NDUFAF2: variants seen among roughly 807,000 people sequenced by gnomAD.
The protein encoded by NDUFAF2 is NADH dehydrogenase [ubiquinone] 1 alpha subcomplex assembly factor 2.
Under a neutral mutation model 22.8 loss-of-function variants are expected in NDUFAF2, and 13 were observed. The ratio of observed to expected loss-of-function variants is 0.57; its 90% confidence interval spans 0.37 to 0.91. The LOEUF is 0.91. Among genes scored for constraint, NDUFAF2 ranks in the 40% least tolerant of loss-of-function variants. NDUFAF2 has a pLI of 0.01. For synonymous variants in NDUFAF2, 53 were observed against 64.2 expected (o/e 0.83, Z 0.84); for missense variants, 162 against 195.2 (o/e 0.83, Z 1.01).
At chr5:60,980,048 G>A (rs563137260) in intron 1 of NDUFAF2, among the ~76,000 whole-genome samples, 5 of 152,224 alleles carry the variant, frequency 3.3e-5, no homozygotes, top group African/African-American at 4.8e-5. Flanking sequence ...GACCACCAAC[G>A]TGTACCTCAA....
At chr5:61,021,578 C>T (rs951263032) in intron 1 of NDUFAF2, among the ~76,000 whole-genome samples, 15 of 152,146 alleles carry the variant, frequency 9.9e-5, no homozygotes, top group Non-Finnish European at 7.4e-5. Context: ...ATCTTTAGGA[C>T]GCCCTTATTC....
At chr5:61,143,959 T>TG (rs35378047) in intron 3 of NDUFAF2, among the ~76,000 whole-genome samples, 9,423 of 48,196 alleles carry the variant, frequency 0.2, 450 homozygotes, top group East Asian at 0.47. Flanking sequence ...ATGGCATATT[T>TG]TTGTGTGTGT....
intron 1 of NDUFAF2, among the ~76,000 whole-genome samples, chr5:60,962,441 A>C (rs763742150): frequency 6.6e-6 from 1 of 152,200 alleles, no homozygotes; most frequent in Non-Finnish European, 1.5e-5. Context: ...TTAGAAAGTA[A>C]TAATTTTCTC....
At chr5:61,137,562 T>A (rs536879555) in intron 3 of NDUFAF2, among the ~76,000 whole-genome samples, 1 of 152,296 alleles carries the variant, frequency 6.6e-6, no homozygotes, top group South Asian at 2.1e-4. Context: ...AGTATGAGAT[T>A]TAGCTAGCCA....
At chr5:60,974,817 A>G (rs913473205) in intron 1 of NDUFAF2, among the ~76,000 whole-genome samples, 5 of 151,782 alleles carry the variant, frequency 3.3e-5, no homozygotes, top group African/African-American at 7.3e-5. Context: ...TTATTTGTTT[A>G]TTTATTTATT....
chr5:61,008,364 T>C (rs1396164405), intron 1 of NDUFAF2, among the ~76,000 whole-genome samples: 1 of 152,102 alleles, frequency 6.6e-6, no homozygotes, highest in Admixed American at 6.6e-5. Flanking sequence ...CTACAAAGAA[T>C]AGTCTTTGTA....
At chr5:60,965,454 A>C (rs1750747652) in intron 1 of NDUFAF2, among the ~76,000 whole-genome samples, 1 of 152,216 alleles carries the variant, frequency 6.6e-6, no homozygotes, top group South Asian at 2.1e-4. Context: ...CATGCTGTAC[A>C]ATAGATCTCT....
At chr5:61,063,046 A>T (rs1444368907) in intron 1 of NDUFAF2, among the ~76,000 whole-genome samples, 1 of 152,192 alleles carries the variant, frequency 6.6e-6, no homozygotes, top group South Asian at 2.1e-4. Context: ...CATACAAGAC[A>T]TACTTAAGGG....
chr5:61,151,142 C>T (rs539055081), intron 3 of NDUFAF2, among the ~76,000 whole-genome samples: 2 of 152,268 alleles, frequency 1.3e-5, no homozygotes, highest in South Asian at 4.1e-4. Context: ...AAACTTTTCC[C>T]CCTTTAAGTA....
At chr5:60,950,966 A>G (rs2112562550) in intron 1 of NDUFAF2, among the ~76,000 whole-genome samples, 1 of 151,994 alleles carries the variant, frequency 6.6e-6, no homozygotes, top group Non-Finnish European at 1.5e-5. Flanking sequence ...GGCTTCTTTC[A>G]CTTAGTAATA....
rs1244534996 is a variant in NDUFAF2, at chr5:61,070,627, A to ACACT, written c.128-2497_128-2496insACTC. Among the ~76,000 whole-genome samples the ACACT allele has an allele frequency of 2.0e-4, 31 of 151,496 alleles. No individual in the cohort carries two copies. The East Asian group carries it at 2.1e-3, about 10-fold the overall frequency. On this transcript the variant is annotated intron_variant, in intron 1 of 3. Coordinates refer to ENST00000296597, the MANE Select transcript of NDUFAF2 (RefSeq NM_174889.5). ...CACACACACACACACACACACACAC[A>ACACT]CGCACTCACATACACACAAATAGGC...
intron 1 of NDUFAF2, among the ~76,000 whole-genome samples, chr5:61,017,682 T>C (rs1296987248): frequency 1.3e-5 from 2 of 152,096 alleles, no homozygotes; most frequent in Non-Finnish European, 2.9e-5. Context: ...GAGTAGAGGA[T>C]TGCTTGAGCG....
rs532393902 is a variant in NDUFAF2, at chr5:61,121,584, G to A, written c.258+22552G>A. Among the ~76,000 whole-genome samples the A allele has an allele frequency of 1.4e-3, 220 of 152,218 alleles. 2 individuals are homozygous for A. The highest frequency in any genetic ancestry group is 5.1e-3 in the African/African-American group (213 of 41,514). On this transcript the variant is annotated intron_variant, in intron 3 of 3. Coordinates refer to ENST00000296597, the MANE Select transcript of NDUFAF2 (RefSeq NM_174889.5). ...TTCTTACTGTATAGGTTAATTTTGT[G>A]TCAACTTGGCTAGACTGTGGTACCC...
chr5:61,063,345 A>G (rs1420687441), intron 1 of NDUFAF2, among the ~76,000 whole-genome samples: 3 of 43,404 alleles, frequency 6.9e-5, no homozygotes, highest in African/African-American at 2.6e-4. Context: ...AAAAAAGTTA[A>G]AAAAAAAAAA....
chr5:61,131,816 G>C (rs562711802), intron 3 of NDUFAF2, among the ~76,000 whole-genome samples: 2 of 152,188 alleles, frequency 1.3e-5, no homozygotes, highest in Non-Finnish European at 2.9e-5. Flanking sequence ...TATGCAGGGG[G>C]AAGTCTATAA....
chr5:61,082,070 T>C (rs545903155), intron 2 of NDUFAF2, among the ~76,000 whole-genome samples: 2 of 152,206 alleles, frequency 1.3e-5, no homozygotes, highest in Admixed American at 1.3e-4. Context: ...AAAGATAAAC[T>C]AGAGAAGATA....
chr5:61,053,267 C>T (rs990202849), intron 1 of NDUFAF2, among the ~76,000 whole-genome samples: 4 of 152,166 alleles, frequency 2.6e-5, no homozygotes, highest in African/African-American at 7.2e-5. Context: ...ATTTAAACTA[C>T]GTAGTTTTTT....
At chr5:61,121,687 C>T (rs984994882) in intron 3 of NDUFAF2, among the ~76,000 whole-genome samples, 1 of 152,042 alleles carries the variant, frequency 6.6e-6, no homozygotes, top group African/African-American at 2.4e-5. Flanking sequence ...AATCAGTATA[C>T]TTTGAGTGAA....
intron 3 of NDUFAF2, among the ~76,000 whole-genome samples, chr5:61,139,137 A>C (rs1741011535): frequency 6.6e-6 from 1 of 152,204 alleles, no homozygotes; most frequent in South Asian, 2.1e-4. Flanking sequence ...CACCTAACTT[A>C]CCAAATTCAT....
Sources: allele counts gnomAD v4.1 joint callset (sites outside exome capture counted in the v4.1 genomes callset), GRCh38; gene constraint gnomAD v4.1.1; transcripts MANE v1.5; gene names NCBI Gene and HGNC (gene_info 2026-07-23, HGNC 2026-07-21).